The following ABCA8 variants were observed in gnomAD, a reference collection of about 807,000 sequenced individuals.
ABCA8 encodes the protein ABC-type organic anion transporter ABCA8.
ABCA8 carries 177 observed loss-of-function variants against 192.3 expected under a neutral mutation model. That is an observed-to-expected ratio of 0.92 (90% CI 0.81 to 1.04). The LOEUF (loss-of-function observed/expected upper bound fraction) is 1.04. ABCA8 is among the 50% of genes least tolerant of loss of function. The pLI is 0.00. For missense variants in ABCA8, 1,915 were observed against 1,904.8 expected (o/e 1.01, Z -0.10); for synonymous variants, 642 against 690.2 (o/e 0.93, Z 1.09).
intron 24 of ABCA8, among the ~76,000 whole-genome samples, chr17:68,887,708 C>T (rs1387978798): frequency 6.6e-6 from 1 of 151,440 alleles, no homozygotes; most frequent in East Asian, 1.9e-4. Flanking sequence ...CATCACACAC[C>T]TGGCAGAAAT....
At position 68,918,446 on chromosome 17, in the gene ABCA8, G is replaced by T. The variant is rs770418790; in HGVS notation, c.1889C>A (p.Ala630Asp). The change falls in exon 15 of 40, where the codon GCC becomes GAC. Residue 630 changes from alanine to aspartate, a missense_variant. Ala to Asp is a moderately radical substitution (Grantham distance 126, BLOSUM62 -2). Coordinates refer to ENST00000586539, the MANE Select transcript of ABCA8 (RefSeq NM_001288985.2). ...ACTCACCTGAGGATCTCCTAAAATGGCAATCCCAAAGGTTAGCTTTCTTTT... is the reference window on the plus strand; with the variant it reads ...ACTCACCTGAGGATCTCCTAAAATGTCAATCCCAAAGGTTAGCTTTCTTTT... ...GQKRKLTFGI[A>D]ILGDPQIFLL... The T allele has an allele frequency of 3.2e-6, 5 of 1,573,200 alleles. No homozygotes were observed. Among genetic ancestry groups the T allele is most frequent in the African/African-American group, 1.4e-5 (1 of 74,054 alleles).
At chr17:68,874,809 T>A (rs2143228030) in intron 37 of ABCA8, among the ~76,000 whole-genome samples, 1 of 152,344 alleles carries the variant, frequency 6.6e-6, no homozygotes, top group African/African-American at 2.4e-5. Context: ...AGAATTTACA[T>A]AAAATTGGAA....
At position 68,952,577 on chromosome 17, in the gene ABCA8, C is replaced by T. The variant is rs181716954; in HGVS notation, c.-167+2642G>A. Among the ~76,000 whole-genome samples the T allele has an allele frequency of 7.2e-5, 11 of 152,230 alleles. No homozygotes were observed. In the East Asian group the frequency reaches 1.2e-3, roughly 16 times the overall value. On this transcript the variant is annotated intron_variant, in intron 1 of 39. Coordinates refer to ENST00000586539, the MANE Select transcript of ABCA8 (RefSeq NM_001288985.2). ...GCCAATGAATTATGCATTTCTGTAG[C>T]GAGGCTTTGATATACTTGGGCTTGT...
chr17:68,919,500 T>A, intron 13 of ABCA8, 24 bp from the exon 14 acceptor site: 1 of 1,587,740 alleles, frequency 6.3e-7, no homozygotes, highest in South Asian at 1.1e-5. Flanking sequence ...AAAGTTAATA[T>A]CAAGATAAGG....
chr17:68,878,008 C>A (rs933880451), intron 32 of ABCA8: 1 of 205,594 alleles, frequency 4.9e-6, no homozygotes. Flanking sequence ...TATTTAACTT[C>A]GCTCATGGAT....
At chr17:68,871,815 T>C (rs2143198921) in intron 37 of ABCA8, among the ~76,000 whole-genome samples, 1 of 152,310 alleles carries the variant, frequency 6.6e-6, no homozygotes. Context: ...CCAAACTTAC[T>C]GTGCTGCCAA....
At position 68,928,499 on chromosome 17, in the gene ABCA8, G is replaced by A. The variant is rs116030835; in HGVS notation, c.1126-436C>T. Among the ~76,000 whole-genome samples the A allele has an allele frequency of 8.9e-3, 1,349 of 152,276 alleles. 27 individuals are homozygous for A. The highest frequency in any genetic ancestry group is 0.031 in the African/African-American group (1,268 of 41,562). On this transcript the variant is annotated intron_variant, in intron 9 of 39. Transcript: ENST00000586539. ...GCTTGTCTATGATGTTCAAGTTAAT[G>A]AGCTCTTTATAATTAACAATCCTTT...
At position 68,933,215 on chromosome 17, in the gene ABCA8, C is replaced by T; in HGVS notation, c.523G>A (p.Glu175Lys). The T allele has an allele frequency of 6.2e-7, 1 of 1,613,384 alleles. No homozygotes were observed. Among genetic ancestry groups the T allele is most frequent in the Middle Eastern group, 1.7e-4 (1 of 6,042 alleles). ...GCAGCTTGAAGAGCCACAAAACCTT[C>T]CTTCCAAAATACTGAAACTTCACAG... is the stretch of plus-strand genomic sequence containing the variant. ...VYCEVSVFWK[E>K]GFVALQAAIN... Residue 175 changes from glutamate to lysine, a missense_variant, in exon 6 of 40, where the codon GAA becomes AAA. By Grantham distance (56) the Glu-to-Lys change is moderately conservative. Transcript: ENST00000586539.
chr17:68,869,663 T>G (rs769943030), intron 38 of ABCA8, 37 bp downstream of exon 38: 8 of 1,325,432 alleles, frequency 6.0e-6, no homozygotes, highest in Non-Finnish European at 8.6e-6. Context: ...GAAATTATCT[T>G]CTTTCCAGGG....
intron 18 of ABCA8, 57 bp downstream of exon 18, chr17:68,907,683 T>TATG (rs2067110078): frequency 1.4e-6 from 2 of 1,412,248 alleles, no homozygotes; most frequent in African/African-American, 2.9e-5. Flanking sequence ...TGATAATAAT[T>TATG]ATGATGATGA....
chr17:68,877,453 G>T, intron 33 of ABCA8, 66 bp downstream of exon 33: 1 of 1,415,388 alleles, frequency 7.1e-7, no homozygotes. Context: ...TTCCTGTGAG[G>T]GTCATCACTC....
At position 68,907,963 on chromosome 17, in the gene ABCA8, G is replaced by C. The variant is rs183173739; in HGVS notation, c.2139-84C>G. The C allele has an allele frequency of 8.2e-6, 10 of 1,214,836 alleles. No individual in the cohort carries two copies. The Admixed American group carries it at 3.4e-4, about 41-fold the overall frequency. 75.3% of individuals were successfully genotyped at this position (1,214,836 alleles called of 1,614,324 possible). On this transcript the variant is annotated intron_variant, in intron 17 of 39. Coordinates refer to ENST00000586539, the MANE Select transcript of ABCA8 (RefSeq NM_001288985.2). ...GAAAATAATTAACTAGTCTCTATAG[G>C]ACAAAGAAAATCAATTAAAATCTAA...
chr17:68,948,824 T>C (rs931963273), intron 2 of ABCA8, among the ~76,000 whole-genome samples: 1 of 152,254 alleles, frequency 6.6e-6, no homozygotes, highest in Non-Finnish European at 1.5e-5. Flanking sequence ...CCCATGCCTA[T>C]GTCCTGAATG....
Position 68,940,880 on chromosome 17 carries a change from AG to A in ABCA8, c.178del (p.Thr61ProfsTer7), listed in dbSNP as rs1390701799. On this transcript the variant is annotated frameshift_variant, in exon 4 of 40. Coordinates refer to ENST00000586539, the MANE Select transcript of ABCA8 (RefSeq NM_001288985.2). LOFTEE classifies it high-confidence loss of function. ...SHQVNDFSSL[L>X]TMDLGRVDTF... ...ATCTACCCGTCCCAGGTCCATGGTA[AG>A]CAGTGAAGAAAAATCATTTACTTGA... 1.2e-6 allele frequency: 2 copies of A among 1,613,304 alleles called. No homozygotes were observed. The highest frequency in any genetic ancestry group is 2.2e-5 in the South Asian group (2 of 91,056).
At chr17:68,936,673 T>G (rs2068076011) in intron 5 of ABCA8, among the ~76,000 whole-genome samples, 1 of 152,126 alleles carries the variant, frequency 6.6e-6, no homozygotes, top group Admixed American at 6.6e-5. Context: ...CAATCATATA[T>G]TCCATATAAT....
chr17:68,939,283 C>T (rs1184570012), intron 4 of ABCA8, among the ~76,000 whole-genome samples: 3 of 152,142 alleles, frequency 2.0e-5, no homozygotes, highest in African/African-American at 7.2e-5. Context: ...TTGTTTTTAT[C>T]TGTTGACATC....
chr17:68,934,790 CT>C, intron 5 of ABCA8, among the ~76,000 whole-genome samples: 1 of 152,274 alleles, frequency 6.6e-6, no homozygotes, highest in African/African-American at 2.4e-5. Context: ...TAGGTGTTCT[CT>C]TTGCTACATA....
intron 22 of ABCA8, 67 bp downstream of exon 22, chr17:68,894,813 G>T: frequency 6.7e-7 from 1 of 1,481,540 alleles, no homozygotes; most frequent in Non-Finnish European, 9.1e-7. Context: ...TAAGTTGGAA[G>T]CCTGAGTATA....
rs780725744 is a variant in ABCA8 at position 68,894,203 on chromosome 17, A to G, written c.3006T>C (p.His1002=). Residue 1002 remains histidine (H), a synonymous_variant, in exon 23 of 40, where the codon CAT becomes CAC. Transcript: ENST00000586539. ...AAAATGTACTTCTTTCAGTTCGGAT[A>G]TGTACTGATGGTTTAACCATTCCAA... ...GLLGMVKPSV[H]IRTERSTFLE... 2 of 1,613,342 alleles carry G rather than the reference A, an allele frequency of 1.2e-6. No homozygotes were observed. Among genetic ancestry groups the G allele is most frequent in the East Asian group, 4.5e-5 (2 of 44,744 alleles).
Sources: allele counts gnomAD v4.1 joint callset (sites outside exome capture counted in the v4.1 genomes callset), GRCh38; gene constraint gnomAD v4.1.1; transcripts MANE v1.5; gene names NCBI Gene and HGNC (gene_info 2026-07-23, HGNC 2026-07-21).